The following LAMA5 variants were observed in gnomAD, a reference collection of about 807,000 sequenced individuals.
The protein encoded by LAMA5 is laminin subunit alpha 5.
In LAMA5, 260 loss-of-function variants were observed where a neutral mutation model predicts 433.4. The observed-to-expected ratio is 0.60, with a 90% CI of 0.54 to 0.66. The LOEUF is 0.66. LAMA5 is among the 30% of genes least tolerant of loss of function. The probability of loss-of-function intolerance (pLI) is 0.00; values close to 1 mark genes in which losing one functional copy is unlikely to be tolerated. For synonymous variants in LAMA5, 2,620 were observed against 2,226.6 expected, an observed-to-expected ratio of 1.18 and a Z score of -4.97; for missense variants, 5,378 against 5,258.5, an observed-to-expected ratio of 1.02 and a Z score of -0.70.
At chr20:62,347,402 C>G (rs1001456489) in intron 6 of LAMA5, among the ~76,000 whole-genome samples, 2 of 152,108 alleles carry the variant, frequency 1.3e-5, no homozygotes, top group Non-Finnish European at 2.9e-5. Flanking sequence ...AGGATGGAGA[C>G]CTGCGTTCTC....
At chr20:62,362,870 A>AGG (rs113325908) in intron 1 of LAMA5, among the ~76,000 whole-genome samples, 1 of 113,546 alleles carries the variant, frequency 8.8e-6, no homozygotes, top group Non-Finnish European at 2.0e-5. Flanking sequence ...CTACGTGGTA[A>AGG]GGGGGGGGGT....
rs769538635 is a variant in LAMA5 at position 62,352,263 on chromosome 20, G to T, written c.666C>A (p.Ile222=). The change falls in exon 4 of 80, where the codon ATC becomes ATA. Residue 222 remains isoleucine, a synonymous_variant. Transcript: ENST00000252999. Reference sequence around the variant, plus strand: ...CCACCTCTCCGTTCTCCAGGGGCACGATGCGTGAGTACTCGGTGGTGCAGA... The same window carrying T: ...CCACCTCTCCGTTCTCCAGGGGCACTATGCGTGAGTACTCGGTGGTGCAGA... The part of the protein sequence containing the change: ...AAICTTEYSR[I]VPLENGEIVV... The T allele has an allele frequency of 1.3e-6, 2 of 1,599,570 alleles. No homozygotes were observed. Among genetic ancestry groups the T allele is most frequent in the Admixed American group, 3.3e-5 (2 of 59,996 alleles).
intron 16 of LAMA5, among the ~76,000 whole-genome samples, chr20:62,337,190 T>C (rs1177893539): frequency 2.2e-5 from 2 of 92,318 alleles, no homozygotes; most frequent in African/African-American, 4.3e-5. Flanking sequence ...CACCCACTTA[T>C]GCGATACGCG....
intron 28 of LAMA5, among the ~76,000 whole-genome samples, 187 bp downstream of exon 28, chr20:62,332,185 G>A (rs1980591965): frequency 1.3e-5 from 2 of 152,214 alleles, no homozygotes; most frequent in African/African-American, 2.4e-5. Context: ...TCGGGGGTAC[G>A]TCAAAAGGGA....
At chr20:62,319,219 A>G in intron 51 of LAMA5, 1 of 580,416 alleles carries the variant, frequency 1.7e-6, no homozygotes, top group Non-Finnish European at 3.0e-6. Flanking sequence ...AGTGCCTCCA[A>G]CACCCTGACA....
intron 62 of LAMA5, 40 bp downstream of exon 62, chr20:62,314,264 T>G: frequency 1.2e-6 from 2 of 1,600,692 alleles, no homozygotes; most frequent in Non-Finnish European, 1.7e-6. Context: ...GCAAGGGCCC[T>G]GCAGTTGGAG....
rs1307520566 is a variant in LAMA5, at chr20:62,333,496, T to C, written c.3022-15A>G. 6.2e-7 allele frequency: 1 copy of C among 1,606,948 alleles called. No individual in the cohort carries two copies. The highest frequency in any genetic ancestry group is 8.5e-7 in the Non-Finnish European group (1 of 1,177,418). On this transcript the variant is annotated splice_polypyrimidine_tract_variant and intron_variant, in intron 24 of 79. Transcript: ENST00000252999. The stretch of plus-strand genomic sequence containing the variant: ...ACCACGTAGTCCTGCAGGGTGGAGG[T>C]GGTGCTGAGAGTGGTGGGCCCCACC...
At position 62,309,355 on chromosome 20, in the gene LAMA5, C is replaced by G; in HGVS notation, c.11069G>C (p.Ser3690Thr). The G allele has an allele frequency of 6.3e-7, 1 of 1,590,472 alleles. No homozygotes were observed. The highest frequency in any genetic ancestry group is 2.2e-5 in the East Asian group (1 of 44,636). ...SVEVHGAVGA[S>T]GCPAA ...TGTGTCCTAGGCGGCTGGGCAGCCA[C>G]TGGCCCCCACTGCCCCGTGGACCTC... Residue 3690 changes from serine (S) to threonine (T), a missense_variant, in exon 80 of 80, where the codon AGT becomes ACT. Coordinates refer to ENST00000252999, the MANE Select transcript of LAMA5 (RefSeq NM_005560.6).
intron 26 of LAMA5, 120 bp from the exon 27 acceptor site, chr20:62,332,837 C>T (rs1253349884): frequency 1.6e-6 from 2 of 1,282,846 alleles, no homozygotes. Context: ...CCCACCCTGG[C>T]CCGGACATCT....
chr20:62,324,093 C>G lies in LAMA5; in HGVS notation c.5755G>C (p.Val1919Leu). Reference sequence around the variant, plus strand: ...AGGCTGGCTTACTTGTTGGAAGGCACTGAGAGGGGGCAGGGGCAGCTGACA... The same window carrying G: ...AGGCTGGCTTACTTGTTGGAAGGCAGTGAGAGGGGGCAGGGGCAGCTGACA... ...PCVSCPCPLSVPSNNFAEGCV... is the reference protein window; with the variant it reads ...PCVSCPCPLSLPSNNFAEGCV... The change falls in exon 43 of 80, where the codon GTG becomes CTG. Residue 1919 changes from valine to leucine, a missense_variant. Val to Leu is a conservative substitution (Grantham distance 32). Transcript: ENST00000252999. The surrounding 1 kb of genome is among the most constrained non-coding windows in gnomAD (Gnocchi z 4.4). The G allele has an allele frequency of 6.6e-7, 1 of 1,515,708 alleles. No homozygotes were observed. The allele number at this position is 1,515,708 out of a possible 1,614,324, so 93.9% of individuals were successfully genotyped here.
intron 34 of LAMA5, among the ~76,000 whole-genome samples, 194 bp downstream of exon 34, chr20:62,328,650 C>T (rs576826320): frequency 6.1e-4 from 93 of 152,330 alleles, no homozygotes; most frequent in African/African-American, 2.2e-3. Flanking sequence ...AGACTGTGGA[C>T]CACCTGCTGG....
rs964328240 is a variant in LAMA5 at position 62,345,942 on chromosome 20, C to T, written c.1418-65G>A. 8 of 1,559,800 alleles carry T rather than the reference C, an allele frequency of 5.1e-6. No individual in the cohort carries two copies. In the Middle Eastern group the frequency reaches 5.0e-4, roughly 98 times the overall value. On this transcript the variant is annotated intron_variant, in intron 10 of 79. Transcript: ENST00000252999. The stretch of plus-strand genomic sequence containing the variant: ...GAACCCTAGCACCCTACACCCCCTG[C>T]CACCCTTGGTCTCTCAGCACAATCG...
chr20:62,354,071 C>A (rs1568978814), intron 2 of LAMA5, among the ~76,000 whole-genome samples: 1 of 152,150 alleles, frequency 6.6e-6, no homozygotes, highest in African/African-American at 2.4e-5. Context: ...CCCAGCCCCA[C>A]CTTGGCTCTG....
In LAMA5 at chr20:62,323,080, G is replaced by T. The variant is rs1403762443; in HGVS notation, c.6065-322C>A. Among the ~76,000 whole-genome samples, 2 of 140,288 alleles carry T rather than the reference G, an allele frequency of 1.4e-5. 1 individual carries two copies. The highest frequency in any genetic ancestry group is 1.4e-4 in the Admixed American group (2 of 14,144). 92.0% of individuals were successfully genotyped at this position (140,288 alleles called of 152,430 possible). ...GAGAGGGGATGTGATCGTGAGGTGG[G>T]GGGGGCGCTGGTCATGGGTTGGGGG... On this transcript the variant is annotated intron_variant, in intron 45 of 79. Transcript: ENST00000252999.
chr20:62,353,267 G>A lies in LAMA5; in HGVS notation c.451-16C>T. 6.4e-7 allele frequency: 1 copy of A among 1,567,714 alleles called. No homozygotes were observed. Among genetic ancestry groups the A allele is most frequent in the Non-Finnish European group, 8.7e-7 (1 of 1,149,962 alleles). ...CGTGGAAGACCTGTGGGCCGAGAGG[G>A]CGTCAGGGGAGCCAGGGGCGCCTGG... On this transcript the variant is annotated splice_polypyrimidine_tract_variant and intron_variant, in intron 2 of 79. Transcript: ENST00000252999.
chr20:62,337,852 C>G lies in LAMA5; in HGVS notation c.1978G>C (p.Ala660Pro). 1 of 1,612,782 alleles carries G rather than the reference C, an allele frequency of 6.2e-7. No individual in the cohort carries two copies. Among genetic ancestry groups the G allele is most frequent in the Non-Finnish European group, 8.5e-7 (1 of 1,179,958 alleles). Residue 660 changes from alanine to proline, a missense_variant, in exon 15 of 80, where the codon GCC becomes CCC. Physicochemically the swap from Ala to Pro is conservative, Grantham distance 27 (BLOSUM62 -1). Transcript: ENST00000252999. ...AAGCCGGGGCTGCATTCCTGGCAGGCAGTGCCTGTGTAGCCGGGGCGGCAG... is the reference window on the plus strand; with the variant it reads ...AAGCCGGGGCTGCATTCCTGGCAGGGAGTGCCTGTGTAGCCGGGGCGGCAG... ...CRCRPGYTGT[A>P]CQECSPGFHG...
chr20:62,335,800 C>A (rs1299651986), intron 18 of LAMA5, among the ~76,000 whole-genome samples: 1 of 88,302 alleles, frequency 1.1e-5, no homozygotes, highest in Non-Finnish European at 2.8e-5. Context: ...CACGCAGGAA[C>A]CCCCTGCACC....
At position 62,367,129 on chromosome 20, in the gene LAMA5, CGCCTCCT is replaced by C; in HGVS notation, c.110_116del (p.Glu37GlyfsTer47). 1 of 1,272,398 alleles carries C rather than the reference CGCCTCCT, an allele frequency of 7.9e-7. No homozygotes were observed. 78.8% of individuals were successfully genotyped at this position (1,272,398 alleles called of 1,614,324 possible). A position where few individuals can be genotyped will look rare whatever the true frequency, so the allele number is the denominator to read the frequency against. On this transcript the variant is annotated frameshift_variant, in exon 1 of 80. Coordinates refer to ENST00000252999, the MANE Select transcript of LAMA5 (RefSeq NM_005560.6). LOFTEE classifies it high-confidence loss of function. ...GCGGGTGCAGGCTGAAGCCGCCGCC[CGCCTCCT>C]CCCGCGCCCGCGCCGCGCCCAGCAG...
At chr20:62,337,227 A>G (rs548144032) in intron 16 of LAMA5, among the ~76,000 whole-genome samples, 4 of 151,986 alleles carry the variant, frequency 2.6e-5, no homozygotes, top group Non-Finnish European at 5.9e-5. Context: ...ACGCGCCCAC[A>G]TGCGACACGC....
Sources: allele counts gnomAD v4.1 joint callset (sites outside exome capture counted in the v4.1 genomes callset), GRCh38; gene constraint gnomAD v4.1.1; non-coding constraint Gnocchi (gnomAD v3.1); transcripts MANE v1.5; gene names NCBI Gene and HGNC (gene_info 2026-07-23, HGNC 2026-07-21).